Variants in BRCA1 observed in about 807,000 individuals in gnomAD.
The protein encoded by BRCA1 is BRCA1 DNA repair associated, also known as breast cancer type 1 susceptibility protein.
Under a neutral mutation model 173.7 loss-of-function variants are expected in BRCA1, and 140 were observed. That is an observed-to-expected ratio of 0.81 (90% CI 0.70 to 0.93). The LOEUF (loss-of-function observed/expected upper bound fraction) is 0.93, where lower values mean the gene tolerates loss of function less well. Ranked by LOEUF, BRCA1 falls within the 40% of genes least tolerant of loss-of-function variation. The probability of loss-of-function intolerance (pLI) is 0.00; values close to 1 mark genes in which losing one functional copy is unlikely to be tolerated. For missense variants in BRCA1, 1,983 were observed against 2,172.5 expected (o/e 0.91, Z 1.73); for synonymous variants, 662 against 756.0 (o/e 0.88, Z 2.04).
chr17:43,138,737 G>T (rs771535798), intron 1 of BRCA1: 41 of 779,072 alleles, frequency 5.3e-5, no homozygotes, highest in Non-Finnish European at 9.8e-5. Context: ...CGTGGAATTT[G>T]GAATGTGGAA....
At chr17:43,133,531 C>A (rs564780336) in intron 1 of BRCA1, among the ~76,000 whole-genome samples, 7 of 152,266 alleles carry the variant, frequency 4.6e-5, no homozygotes, top group Middle Eastern at 3.4e-3. Flanking sequence ...GTGAACTGTC[C>A]TTGCAAATGT....
chr17:43,061,681 C>T (rs1017254750), intron 18 of BRCA1, among the ~76,000 whole-genome samples: 1 of 151,724 alleles, frequency 6.6e-6, no homozygotes, highest in Non-Finnish European at 1.5e-5. Context: ...CTCCCGGGTT[C>T]AAGTGATTCT....
intron 12 of BRCA1, among the ~76,000 whole-genome samples, chr17:43,077,970 G>C (rs915373878): frequency 1.3e-4 from 19 of 151,032 alleles, no homozygotes; most frequent in Non-Finnish European, 2.8e-4. Flanking sequence ...CCCGACCTCA[G>C]GTGATCTGCC....
chr17:43,111,582 G>A (rs915000153), intron 3 of BRCA1, among the ~76,000 whole-genome samples: 1 of 151,814 alleles, frequency 6.6e-6, no homozygotes, highest in Non-Finnish European at 1.5e-5. Flanking sequence ...AGAACTTAGG[G>A]AGGCCAAGGC....
Position 43,047,635 on chromosome 17 carries a change from C to T in BRCA1, c.5467+8G>A, listed in dbSNP as rs80358062. 1.9e-5 allele frequency: 30 copies of T among 1,614,070 alleles called. No homozygotes were observed. The highest frequency in any genetic ancestry group is 2.5e-5 in the Non-Finnish European group (30 of 1,180,038). ...CCCATATAGCACAGGTACATGCAGGCACCTTACCATGGAAGCCATTGTCCT... is the reference window on the plus strand; with the variant it reads ...CCCATATAGCACAGGTACATGCAGGTACCTTACCATGGAAGCCATTGTCCT... On this transcript the variant is annotated splice_region_variant and intron_variant, in intron 22 of 22. Coordinates refer to ENST00000357654, the MANE Select transcript of BRCA1 (RefSeq NM_007294.4).
intron 18 of BRCA1, among the ~76,000 whole-genome samples, chr17:43,059,629 A>G (rs1201354167): frequency 2.6e-5 from 4 of 152,028 alleles, no homozygotes; most frequent in Non-Finnish European, 5.9e-5. Flanking sequence ...AACAAGATCT[A>G]TTGTTCAAGC....
At chr17:43,107,382 ATTTT>A (rs762948688) in intron 3 of BRCA1, among the ~76,000 whole-genome samples, 3 of 118,514 alleles carry the variant, frequency 2.5e-5, no homozygotes, top group Non-Finnish European at 3.6e-5. Flanking sequence ...TATTTTCTTA[ATTTT>A]TTTTTTTTTT....
At chr17:43,056,999 G>T (rs2051489655) in intron 19 of BRCA1, 53 bp downstream of exon 19, 1 of 1,519,278 alleles carries the variant, frequency 6.6e-7, no homozygotes, top group South Asian at 1.1e-5. Flanking sequence ...AAGGGGAGTG[G>T]AATACAGAGT....
At chr17:43,047,863 C>A (rs1320770042) in intron 21 of BRCA1, among the ~76,000 whole-genome samples, 160 bp from the exon 22 acceptor site, 1 of 152,064 alleles carries the variant, frequency 6.6e-6, no homozygotes, top group Non-Finnish European at 1.5e-5. Context: ...CCTCTGCCTC[C>A]TGGGCTCAAG....
intron 8 of BRCA1, among the ~76,000 whole-genome samples, chr17:43,096,939 T>G (rs774339888): frequency 2.0e-5 from 3 of 152,166 alleles, no homozygotes; most frequent in Non-Finnish European, 4.4e-5. Flanking sequence ...TCTCTAAGGT[T>G]TCTTCCAATA....
rs748674194 is a variant in BRCA1, at chr17:43,091,483, C to A, written c.4048G>T (p.Gly1350Cys). 3.1e-6 allele frequency: 5 copies of A among 1,613,500 alleles called. No individual in the cohort carries two copies. In the East Asian group the frequency reaches 1.1e-4, roughly 36 times the overall value. Residue 1350 changes from glycine (G) to cysteine (C), a missense_variant, in exon 10 of 23, where the codon GGC becomes TGC. Transcript: ENST00000357654. The stretch of plus-strand genomic sequence containing the variant: ...TCTTCTTGATTATTTTCTTCCAAGC[C>A]CGTTCCTCTTTCTTCATCATCTGAA... ...LVSDDEERGTGLEENNQEEQS... is the reference protein window; with the variant it reads ...LVSDDEERGTCLEENNQEEQS...
At chr17:43,088,228 T>C (rs551781454) in intron 11 of BRCA1, among the ~76,000 whole-genome samples, 74 of 152,352 alleles carry the variant, frequency 4.9e-4, no homozygotes, top group Admixed American at 1.2e-3. Context: ...CACACTGTTG[T>C]GTTACCATTG....
rs138608489 is a variant in BRCA1 at position 43,076,504 on chromosome 17, C to T, written c.4468G>A (p.Glu1490Lys). The change falls in exon 13 of 23, where the codon GAA (glutamate) becomes AAA (lysine). Residue 1490 changes from glutamate to lysine, a missense_variant. Physicochemically the swap from Glu to Lys is moderately conservative, Grantham distance 56. Transcript: ENST00000357654. ...GTTTCTTACCTTTCCACTCCTGGTT[C>T]TTTATTTTTACTGGTAGAACTATCT... ...SADSSTSKNK[E>K]PGVERSSPSK... The T allele has an allele frequency of 6.2e-7, 1 of 1,613,684 alleles. No individual in the cohort carries two copies. Among genetic ancestry groups the T allele is most frequent in the East Asian group, 2.2e-5 (1 of 44,822 alleles).
intron 11 of BRCA1, 26 bp from the exon 12 acceptor site, chr17:43,082,601 GA>G: frequency 6.2e-7 from 1 of 1,611,812 alleles, no homozygotes; most frequent in Non-Finnish European, 8.5e-7. Context: ...ATGGCACCAA[GA>G]AAATGAAATA....
chr17:43,093,525 A>G lies in BRCA1; in HGVS notation c.2006T>C (p.Met669Thr), dbSNP rs80356895. 1.1e-5 allele frequency: 17 copies of G among 1,613,980 alleles called. No homozygotes were observed. The East Asian group carries it at 3.6e-4, about 34-fold the overall frequency. The change falls in exon 10 of 23, where the codon ATG (methionine) becomes ACG (threonine). Residue 669 changes from methionine to threonine, a missense_variant. Met to Thr is a moderately conservative substitution (Grantham distance 81). Coordinates refer to ENST00000357654, the MANE Select transcript of BRCA1 (RefSeq NM_007294.4). ...PVRHSRNLQL[M>T]EGKEPATGAK... is the part of the protein sequence containing the mutation. The stretch of plus-strand genomic sequence containing the variant: ...TCCAGTTGCAGGTTCTTTACCTTCC[A>G]TGAGTTGTAGGTTTCTGCTGTGCCT...
intron 13 of BRCA1, among the ~76,000 whole-genome samples, chr17:43,076,049 C>T (rs1462675608): frequency 1.3e-5 from 2 of 151,850 alleles, no homozygotes; most frequent in Admixed American, 6.6e-5. Context: ...GCCATGACTG[C>T]ACCACTGCAA....
chr17:43,078,031 G>A (rs1012786283), intron 12 of BRCA1, among the ~76,000 whole-genome samples: 1 of 151,520 alleles, frequency 6.6e-6, no homozygotes, highest in Middle Eastern at 3.5e-3. Context: ...CACTGCGCCC[G>A]ACCGTTATTT....
intron 14 of BRCA1, among the ~76,000 whole-genome samples, chr17:43,071,970 T>C (rs2052467577): frequency 6.6e-6 from 1 of 151,820 alleles, no homozygotes; most frequent in Admixed American, 6.6e-5. Flanking sequence ...ATTGAGCCAT[T>C]GCATTCCAGC....
chr17:43,057,118 T>C lies in BRCA1; in HGVS notation c.5211A>G (p.Arg1737=), dbSNP rs1555576963. Residue 1737 remains arginine, a synonymous_variant, in exon 19 of 23, where the codon AGA becomes AGG. Coordinates refer to ENST00000357654, the MANE Select transcript of BRCA1 (RefSeq NM_007294.4). ...GGTTTCTTCCATTGACCACATCTCCTCTGACTTCAAAATCATGCTGAAAGA... is the reference window on the plus strand; with the variant it reads ...GGTTTCTTCCATTGACCACATCTCCCCTGACTTCAAAATCATGCTGAAAGA... The part of the protein sequence containing the change: ...KMLNEHDFEV[R]GDVVNGRNHQ... 1.2e-6 allele frequency: 2 copies of C among 1,613,992 alleles called. No individual in the cohort carries two copies. The highest frequency in any genetic ancestry group is 3.3e-5 in the Admixed American group (2 of 59,988).
Sources: allele counts gnomAD v4.1 joint callset (sites outside exome capture counted in the v4.1 genomes callset), GRCh38; gene constraint gnomAD v4.1.1; transcripts MANE v1.5; gene names NCBI Gene and HGNC (gene_info 2026-07-23, HGNC 2026-07-21).